Variants in LHFPL3 observed in about 807,000 individuals in gnomAD.
The protein encoded by LHFPL3 is LHFPL tetraspan subfamily member 3, also known as LHFPL tetraspan subfamily member 3 protein.
A neutral mutation model predicts 19.3 loss-of-function variants in LHFPL3; 5 were observed. The observed-to-expected ratio is 0.26, with a 90% CI of 0.14 to 0.54. LHFPL3 has a LOEUF of 0.54. Among genes scored for constraint, LHFPL3 ranks in the 20% least tolerant of loss-of-function variants. LHFPL3 has a pLI of 0.94. For synonymous variants in LHFPL3, 133 were observed against 126.2 expected, an observed-to-expected ratio of 1.05 and a Z score of -0.36; for missense variants, 249 against 307.4, an observed-to-expected ratio of 0.81 and a Z score of 1.42.
intron 1 of LHFPL3, among the ~76,000 whole-genome samples, chr7:104,565,305 G>A (rs1321812460): frequency 6.6e-6 from 1 of 152,104 alleles, no homozygotes. Context: ...ATAAATTTGA[G>A]TCCACCTCCT....
At chr7:104,771,286 C>G (rs1562987955) in intron 2 of LHFPL3, among the ~76,000 whole-genome samples, 1 of 152,150 alleles carries the variant, frequency 6.6e-6, no homozygotes, top group Non-Finnish European at 1.5e-5. Flanking sequence ...TTCACTTGTT[C>G]AGATATGTGT....
chr7:104,516,342 G>T (rs111866649), intron 1 of LHFPL3, among the ~76,000 whole-genome samples: 1 of 152,058 alleles, frequency 6.6e-6, no homozygotes, highest in Non-Finnish European at 1.5e-5. Context: ...CTCACAACAC[G>T]TGGGGATTAT....
chr7:104,719,464 G>A lies in LHFPL3; in HGVS notation c.446-17211G>A, dbSNP rs116075968. 1.9e-3 allele frequency among the ~76,000 whole-genome samples: 289 copies of A among 152,192 alleles called. 2 individuals carry two copies. The highest frequency in any genetic ancestry group is 5.9e-3 in the African/African-American group (244 of 41,526). On this transcript the variant is annotated intron_variant, in intron 1 of 2. Coordinates refer to ENST00000424859, the MANE Select transcript of LHFPL3 (RefSeq NM_199000.3). ...TGTATATGAAACCAACTATACAAAT[G>A]TTTATACATGAATTTATGCAATAAA...
At chr7:104,863,589 C>T (rs1284403365) in intron 2 of LHFPL3, among the ~76,000 whole-genome samples, 1 of 152,226 alleles carries the variant, frequency 6.6e-6, no homozygotes, top group Non-Finnish European at 1.5e-5. Flanking sequence ...TTTACATTTG[C>T]TGAATACCTA....
At chr7:104,372,494 C>A (rs1396204556) in intron 1 of LHFPL3, among the ~76,000 whole-genome samples, 3 of 152,124 alleles carry the variant, frequency 2.0e-5, no homozygotes, top group Non-Finnish European at 4.4e-5. Context: ...TATTGGTCTA[C>A]AAACTCAGTG....
chr7:104,425,139 T>C (rs1260047684), intron 1 of LHFPL3, among the ~76,000 whole-genome samples: 1 of 151,554 alleles, frequency 6.6e-6, no homozygotes, highest in Non-Finnish European at 1.5e-5. Flanking sequence ...CACTACATAG[T>C]AGGGCCCAGT....
intron 1 of LHFPL3, among the ~76,000 whole-genome samples, chr7:104,663,901 C>T (rs1205764425): frequency 2.0e-5 from 3 of 152,146 alleles, no homozygotes; most frequent in Non-Finnish European, 2.9e-5. Context: ...ACCATAAGAC[C>T]ATCAAAACTT....
At chr7:104,403,667 C>A (rs182787677) in intron 1 of LHFPL3, among the ~76,000 whole-genome samples, 37 of 152,144 alleles carry the variant, frequency 2.4e-4, no homozygotes, top group African/African-American at 8.7e-4. Context: ...ACAAAAAGAA[C>A]TTCCAGGATC....
intron 1 of LHFPL3, among the ~76,000 whole-genome samples, chr7:104,430,024 T>TA (rs780633389): frequency 6.6e-6 from 1 of 152,122 alleles, no homozygotes; most frequent in African/African-American, 2.4e-5. Flanking sequence ...CAAACCGCTC[T>TA]AGCTGCTCAA....
Position 104,694,078 on chromosome 7 carries a change from G to T in LHFPL3, c.446-42597G>T, listed in dbSNP as rs1210058373. Among the ~76,000 whole-genome samples, 4 of 152,148 alleles carry T rather than the reference G, an allele frequency of 2.6e-5. 1 individual carries two copies. Among genetic ancestry groups the T allele is most frequent in the Non-Finnish European group, 5.9e-5 (4 of 68,030 alleles). On this transcript the variant is annotated intron_variant, in intron 1 of 2. Coordinates refer to ENST00000424859, the MANE Select transcript of LHFPL3 (RefSeq NM_199000.3). The stretch of plus-strand genomic sequence containing the variant: ...CTTTAAATGAAAGGAGAAATAAGGG[G>T]TGTTTTCCTCTCCTTCCCTGTTCAG...
In LHFPL3 at chr7:104,460,604, A is replaced by G. The variant is rs571061193; in HGVS notation, c.445+131380A>G. On this transcript the variant is annotated intron_variant, in intron 1 of 2. Coordinates refer to ENST00000424859, the MANE Select transcript of LHFPL3 (RefSeq NM_199000.3). ...TTGCATTTCTCTAATAATCAGTGATATTGAGGTTTTTTTAATATGATTGTT... is the reference window on the plus strand; with the variant it reads ...TTGCATTTCTCTAATAATCAGTGATGTTGAGGTTTTTTTAATATGATTGTT... 2.0e-5 allele frequency among the ~76,000 whole-genome samples: 3 copies of G among 152,182 alleles called. No homozygotes were observed. The South Asian group carries it at 6.2e-4, about 32-fold the overall frequency.
chr7:104,778,797 AGCAACC>A (rs1562989845), intron 2 of LHFPL3, among the ~76,000 whole-genome samples: 1 of 152,254 alleles, frequency 6.6e-6, no homozygotes, highest in African/African-American at 2.4e-5. Flanking sequence ...TGTCATAGTC[AGCAACC>A]ATTCTGTGTT....
At chr7:104,598,783 C>G (rs1381757840) in intron 1 of LHFPL3, among the ~76,000 whole-genome samples, 3 of 152,168 alleles carry the variant, frequency 2.0e-5, no homozygotes. Context: ...ACCTTATGGT[C>G]TTGATTAGGC....
intron 1 of LHFPL3, among the ~76,000 whole-genome samples, chr7:104,506,530 C>T (rs1793702488): frequency 6.6e-6 from 1 of 152,208 alleles, no homozygotes; most frequent in African/African-American, 2.4e-5. Flanking sequence ...CCTTTGTATA[C>T]CCAGCACCTA....
At chr7:104,714,382 C>A (rs1793347928) in intron 1 of LHFPL3, among the ~76,000 whole-genome samples, 1 of 151,926 alleles carries the variant, frequency 6.6e-6, no homozygotes, top group Admixed American at 6.6e-5. Flanking sequence ...CTATTTTTCA[C>A]CATCTGGATA....
chr7:104,521,975 G>T (rs924743252), intron 1 of LHFPL3, among the ~76,000 whole-genome samples: 1 of 152,038 alleles, frequency 6.6e-6, no homozygotes, highest in Non-Finnish European at 1.5e-5. Context: ...GGAAGTCAGT[G>T]TGGCGATTCC....
chr7:104,839,967 T>G lies in LHFPL3; in HGVS notation c.683-66220T>G, dbSNP rs547577620. Among the ~76,000 whole-genome samples the G allele has an allele frequency of 5.9e-5, 9 of 152,262 alleles. No individual in the cohort carries two copies. The East Asian group carries it at 1.7e-3, about 29-fold the overall frequency. On this transcript the variant is annotated intron_variant, in intron 2 of 2. Transcript: ENST00000424859. ...GAGTTTTTGTTTCCTAATCTCAAAA[T>G]GAAGCAAGTTGACTGGATAATTAAT...
chr7:104,548,553 A>G (rs1584394147), intron 1 of LHFPL3, among the ~76,000 whole-genome samples: 1 of 152,330 alleles, frequency 6.6e-6, no homozygotes. Flanking sequence ...CCCTTAAAAT[A>G]GAGTATTATA....
At chr7:104,805,773 G>A (rs1790348696) in intron 2 of LHFPL3, among the ~76,000 whole-genome samples, 1 of 152,158 alleles carries the variant, frequency 6.6e-6, no homozygotes, top group Non-Finnish European at 1.5e-5. Context: ...GGGCTTTTTA[G>A]GCTTATCCCA....
Sources: gnomAD v4.1 joint callset for allele counts (sites outside exome capture counted in the v4.1 genomes callset) on GRCh38, gnomAD v4.1.1 for gene constraint, MANE v1.5 for transcripts, NCBI Gene and HGNC (gene_info 2026-07-23, HGNC 2026-07-21) for gene names.